Variants in B3GALT1 observed in about 807,000 individuals in gnomAD.
The protein encoded by B3GALT1 is UDP-Gal:betaGlcNAc beta 1,3-galactosyltransferase, polypeptide 1.
B3GALT1 carries 10 observed loss-of-function variants against 23.2 expected under a neutral mutation model. The ratio of observed to expected loss-of-function variants is 0.43; its 90% CI spans 0.27 to 0.73. B3GALT1 has a LOEUF of 0.73. Among genes scored for constraint, B3GALT1 ranks in the 30% least tolerant of loss-of-function variants. The probability of loss-of-function intolerance (pLI) is 0.21; values close to 1 mark genes in which losing one functional copy is unlikely to be tolerated. For synonymous variants in B3GALT1, 156 were observed against 141.5 expected (o/e 1.10, Z -0.73); for missense variants, 299 against 405.4 (o/e 0.74, Z 2.25).
chr2:167,460,488 C>G (rs896707555), intron 1 of B3GALT1, among the ~76,000 whole-genome samples: 1 of 151,996 alleles, frequency 6.6e-6, no homozygotes, highest in African/African-American at 2.4e-5. Context: ...CCTGATATTT[C>G]ATTTTCTTCA....
intron 1 of B3GALT1, among the ~76,000 whole-genome samples, chr2:167,325,136 A>G (rs1016795919): frequency 2.0e-5 from 3 of 152,156 alleles, no homozygotes; most frequent in African/African-American, 7.2e-5. Context: ...ATTCTATATC[A>G]TTGAGATTGT....
intron 2 of B3GALT1, among the ~76,000 whole-genome samples, chr2:167,533,708 T>C (rs1174993293): frequency 6.6e-6 from 1 of 152,212 alleles, no homozygotes; most frequent in East Asian, 1.9e-4. Flanking sequence ...TGCTTGATAG[T>C]TATTGTTCAG....
At chr2:167,430,872 T>C (rs1027977654) in intron 1 of B3GALT1, among the ~76,000 whole-genome samples, 7 of 152,282 alleles carry the variant, frequency 4.6e-5, no homozygotes, top group East Asian at 3.9e-4. Context: ...TCAATGAGGA[T>C]CTCAGAGAAT....
intron 1 of B3GALT1, among the ~76,000 whole-genome samples, chr2:167,412,376 A>G (rs1328128299): frequency 6.6e-6 from 1 of 152,218 alleles, no homozygotes; most frequent in Admixed American, 6.5e-5. Flanking sequence ...TCTCATATCT[A>G]GAATACATGA....
At chr2:167,346,704 T>C (rs1009296328) in intron 1 of B3GALT1, among the ~76,000 whole-genome samples, 1 of 150,468 alleles carries the variant, frequency 6.6e-6, no homozygotes, top group Non-Finnish European at 1.5e-5. Flanking sequence ...ATAAAAAGTA[T>C]CAAGTCTGCA....
At chr2:167,640,506 G>T (rs963569037) in intron 2 of B3GALT1, among the ~76,000 whole-genome samples, 1 of 151,204 alleles carries the variant, frequency 6.6e-6, no homozygotes, top group African/African-American at 2.4e-5. Flanking sequence ...AATAAACTAT[G>T]TCAAAAAGTC....
chr2:167,838,439 A>G (rs1318214254), intron 4 of B3GALT1, among the ~76,000 whole-genome samples: 15 of 152,292 alleles, frequency 9.8e-5, no homozygotes, highest in Admixed American at 9.8e-4. Flanking sequence ...GAAATGGATA[A>G]ATTCCTCAAC....
intron 4 of B3GALT1, among the ~76,000 whole-genome samples, chr2:167,858,119 A>G (rs1574304767): frequency 6.6e-6 from 1 of 152,148 alleles, no homozygotes; most frequent in Non-Finnish European, 1.5e-5. Flanking sequence ...TAGATTTTTA[A>G]TATCCTAAAG....
At chr2:167,481,830 A>C (rs1475753017) in intron 1 of B3GALT1, among the ~76,000 whole-genome samples, 1 of 152,186 alleles carries the variant, frequency 6.6e-6, no homozygotes, top group Non-Finnish European at 1.5e-5. Context: ...ACCACTGGAG[A>C]GAGCACTCTG....
intron 1 of B3GALT1, among the ~76,000 whole-genome samples, chr2:167,343,780 C>T (rs1697186993): frequency 6.6e-6 from 1 of 152,092 alleles, no homozygotes; most frequent in South Asian, 2.1e-4. Flanking sequence ...TATTGTTATG[C>T]TTGCATGATG....
At chr2:167,417,149 T>A (rs935301219) in intron 1 of B3GALT1, among the ~76,000 whole-genome samples, 1 of 152,184 alleles carries the variant, frequency 6.6e-6, no homozygotes, top group African/African-American at 2.4e-5. Flanking sequence ...AAATTCATGT[T>A]GACACTCAAT....
intron 4 of B3GALT1, among the ~76,000 whole-genome samples, chr2:167,866,469 A>G (rs1479755616): frequency 6.6e-6 from 1 of 152,222 alleles, no homozygotes; most frequent in East Asian, 1.9e-4. Context: ...CCGGCACTCA[A>G]TAAACATTTG....
At chr2:167,350,354 T>C (rs1417573964) in intron 1 of B3GALT1, among the ~76,000 whole-genome samples, 1 of 152,226 alleles carries the variant, frequency 6.6e-6, no homozygotes, top group Non-Finnish European at 1.5e-5. Flanking sequence ...ACGTTTAATT[T>C]CTGGATTTCT....
At chr2:167,522,005 T>TATATATATAC (rs1184882586) in intron 2 of B3GALT1, among the ~76,000 whole-genome samples, 28 of 144,954 alleles carry the variant, frequency 1.9e-4, no homozygotes, top group African/African-American at 6.5e-4. Flanking sequence ...TATATATATA[T>TATATATATAC]ACACATATAT....
At chr2:167,413,355 G>T (rs1174393455) in intron 1 of B3GALT1, among the ~76,000 whole-genome samples, 1 of 151,974 alleles carries the variant, frequency 6.6e-6, no homozygotes, top group African/African-American at 2.4e-5. Context: ...TTTCATTTAT[G>T]TCTCATGATT....
chr2:167,714,884 AT>A (rs1235289199), intron 3 of B3GALT1: 1 of 1,609,668 alleles, frequency 6.2e-7, no homozygotes, highest in African/African-American at 1.3e-5. Context: ...GTGGAGTGTC[AT>A]TTCATTTTCT....
chr2:167,588,395 T>G (rs1684615681), intron 2 of B3GALT1, among the ~76,000 whole-genome samples: 1 of 152,198 alleles, frequency 6.6e-6, no homozygotes, highest in South Asian at 2.1e-4. Context: ...CAAATTATTA[T>G]GTATATAAAA....
chr2:167,529,047 G>T (rs1362895113), intron 2 of B3GALT1, among the ~76,000 whole-genome samples: 7 of 152,030 alleles, frequency 4.6e-5, no homozygotes, highest in Admixed American at 4.6e-4. Flanking sequence ...TGACATTGCA[G>T]TCCAGTAGTC....
chr2:167,342,161 G>A (rs1240727502), intron 1 of B3GALT1, among the ~76,000 whole-genome samples: 1 of 152,080 alleles, frequency 6.6e-6, no homozygotes, highest in African/African-American at 2.4e-5. Flanking sequence ...TAAAATCTAA[G>A]GCTCCATGGG....
Sources: allele counts gnomAD v4.1 joint callset (sites outside exome capture counted in the v4.1 genomes callset), GRCh38; gene constraint gnomAD v4.1.1; transcripts MANE v1.5; gene names NCBI Gene and HGNC (gene_info 2026-07-23, HGNC 2026-07-21).